Variants in TADA2A observed in about 807,000 individuals in gnomAD.
The protein encoded by TADA2A is transcriptional adapter 2-alpha.
A neutral mutation model predicts 67.4 loss-of-function variants in TADA2A; 38 were observed. The ratio of observed to expected loss-of-function variants is 0.56; its 90% CI spans 0.44 to 0.74. The LOEUF is 0.74. TADA2A is among the 30% of genes least tolerant of loss of function. The pLI, the probability that TADA2A is intolerant of heterozygous loss-of-function variation, is 0.00. For missense variants in TADA2A, 454 were observed against 547.0 expected, an observed-to-expected ratio of 0.83 and a Z score of 1.70; for synonymous variants, 192 against 181.6, an observed-to-expected ratio of 1.06 and a Z score of -0.46.
intron 9 of TADA2A, 136 bp downstream of exon 9, chr17:37,458,723 C>A: frequency 3.1e-6 from 2 of 644,534 alleles, no homozygotes; most frequent in Non-Finnish European, 5.1e-6. Flanking sequence ...GTTGCCCAGG[C>A]TGGAGAGCAG....
intron 9 of TADA2A, among the ~76,000 whole-genome samples, chr17:37,459,068 T>C (rs898492418): frequency 6.6e-6 from 1 of 152,118 alleles, no homozygotes; most frequent in Non-Finnish European, 1.5e-5. Context: ...TTACCCTCCT[T>C]AGACCTCAAT....
At chr17:37,465,352 T>A in intron 10 of TADA2A, 79 bp from the exon 11 acceptor site, 1 of 1,064,462 alleles carries the variant, frequency 9.4e-7, no homozygotes, top group Non-Finnish European at 1.4e-6. Context: ...ATTTTACTAA[T>A]TGTAAAAAAA....
chr17:37,462,869 TAGAC>T (rs1440784497), intron 10 of TADA2A, among the ~76,000 whole-genome samples: 2 of 152,202 alleles, frequency 1.3e-5, no homozygotes, highest in Non-Finnish European at 2.9e-5. Context: ...TGGATGGTTA[TAGAC>T]AGACAAAATA....
chr17:37,408,695 T>C (rs1438176791), intron 1 of TADA2A: 1 of 152,244 alleles, frequency 6.6e-6, no homozygotes, highest in Non-Finnish European at 1.5e-5. Context: ...CACACCTTGG[T>C]ACCCACGGGT....
chr17:37,469,248 C>T (rs2053733369), intron 12 of TADA2A, among the ~76,000 whole-genome samples: 1 of 152,092 alleles, frequency 6.6e-6, no homozygotes, highest in African/African-American at 2.4e-5. Flanking sequence ...GCAACATAGC[C>T]TTATGGATGT....
chr17:37,429,057 AAAAAG>A (rs1231926416), intron 4 of TADA2A, among the ~76,000 whole-genome samples: 3 of 151,584 alleles, frequency 2.0e-5, no homozygotes, highest in Non-Finnish European at 2.9e-5. Flanking sequence ...AAAAAAAAAA[AAAAAG>A]AAAAAGAAAA....
At chr17:37,465,597 G>A in intron 11 of TADA2A, 56 bp downstream of exon 11, 1 of 1,606,764 alleles carries the variant, frequency 6.2e-7, no homozygotes, top group Non-Finnish European at 8.5e-7. Context: ...ATATAAATAG[G>A]AGAGATAATG....
At chr17:37,451,151 A>T (rs1207063028) in intron 8 of TADA2A, among the ~76,000 whole-genome samples, 2 of 151,652 alleles carry the variant, frequency 1.3e-5, no homozygotes, top group Non-Finnish European at 2.9e-5. Flanking sequence ...CCTTAGCCTC[A>T]CAAGTAGCTA....
chr17:37,417,560 A>T (rs1225073543), intron 2 of TADA2A, among the ~76,000 whole-genome samples: 1 of 152,002 alleles, frequency 6.6e-6, no homozygotes, highest in Non-Finnish European at 1.5e-5. Flanking sequence ...CTTGAGACAT[A>T]GTCTCGCTCT....
At chr17:37,429,045 CAAAA>C (rs375811520) in intron 4 of TADA2A, among the ~76,000 whole-genome samples, 5 of 109,604 alleles carry the variant, frequency 4.6e-5, no homozygotes, top group African/African-American at 6.5e-5. Context: ...GACTCCGTCT[CAAAA>C]AAAAAAAAAA....
At chr17:37,439,945 ATT>A (rs3987837) in intron 5 of TADA2A, among the ~76,000 whole-genome samples, 32 of 94,892 alleles carry the variant, frequency 3.4e-4, no homozygotes, top group East Asian at 1.6e-3. Flanking sequence ...TTTATTTATT[ATT>A]TTTTTTTTTT....
At chr17:37,445,327 G>A (rs1295128776) in intron 8 of TADA2A, among the ~76,000 whole-genome samples, 2 of 152,122 alleles carry the variant, frequency 1.3e-5, no homozygotes, top group Non-Finnish European at 2.9e-5. Flanking sequence ...GTGCAGTGGC[G>A]CGATCTTGGC....
At chr17:37,412,259 G>A (rs1197981534) in intron 2 of TADA2A, among the ~76,000 whole-genome samples, 2 of 151,392 alleles carry the variant, frequency 1.3e-5, no homozygotes, top group African/African-American at 2.4e-5. Flanking sequence ...GATGGACCAG[G>A]CATATTCTGA....
At chr17:37,449,011 T>C (rs1327885707) in intron 8 of TADA2A, among the ~76,000 whole-genome samples, 1 of 131,420 alleles carries the variant, frequency 7.6e-6, no homozygotes. Context: ...TTATAGTGAT[T>C]TCACTGTTTT....
chr17:37,475,891 CTT>C (rs1230946306), intron 15 of TADA2A, among the ~76,000 whole-genome samples: 1 of 152,156 alleles, frequency 6.6e-6, no homozygotes, highest in African/African-American at 2.4e-5. Context: ...TTTCAGAAAA[CTT>C]TGTCACATCT....
intron 12 of TADA2A, among the ~76,000 whole-genome samples, chr17:37,467,915 C>T (rs1264510648): frequency 1.3e-5 from 2 of 152,034 alleles, no homozygotes; most frequent in Admixed American, 1.3e-4. Flanking sequence ...AACCCTACCT[C>T]TACTAAAAAT....
At chr17:37,407,495 C>G (rs562126069) in intron 1 of TADA2A, 21 of 152,392 alleles carry the variant, frequency 1.4e-4, no homozygotes, top group Admixed American at 1.2e-3. Flanking sequence ...TTCCTTCTCC[C>G]GGTAACTGAT....
chr17:37,474,301 T>TTG (rs2053850345), intron 14 of TADA2A, among the ~76,000 whole-genome samples: 4 of 152,138 alleles, frequency 2.6e-5, no homozygotes, highest in African/African-American at 9.7e-5. Flanking sequence ...GATGCTAAGG[T>TTG]ATGTGTGACT....
At chr17:37,412,484 A>G (rs1043039371) in intron 2 of TADA2A, among the ~76,000 whole-genome samples, 1 of 151,882 alleles carries the variant, frequency 6.6e-6, no homozygotes, top group Non-Finnish European at 1.5e-5. Context: ...AGCCATAACT[A>G]TGGATAAAAA....
Sources: allele counts gnomAD v4.1 joint callset (sites outside exome capture counted in the v4.1 genomes callset), GRCh38; gene constraint gnomAD v4.1.1; transcripts MANE v1.5; gene names NCBI Gene and HGNC (gene_info 2026-07-23, HGNC 2026-07-21).